The following EDNRA variants were observed in gnomAD, a reference collection of about 807,000 sequenced individuals.
EDNRA encodes endothelin receptor type A.
In EDNRA, 11 loss-of-function variants were observed where a neutral mutation model predicts 41.4. The observed-to-expected ratio is 0.27, with a 90% CI of 0.17 to 0.44. The LOEUF is 0.44. Among genes scored for constraint, EDNRA ranks in the 20% least tolerant of loss-of-function variants. The pLI is 1.00. For synonymous variants in EDNRA, 172 were observed against 183.0 expected, an observed-to-expected ratio of 0.94 and a Z score of 0.49; for missense variants, 294 against 531.0, an observed-to-expected ratio of 0.55 and a Z score of 4.39.
chr4:147,522,710 A>G (rs990624024), intron 3 of EDNRA, among the ~76,000 whole-genome samples: 15 of 152,194 alleles, frequency 9.9e-5, no homozygotes, highest in African/African-American at 2.2e-4. Flanking sequence ...CACTATACTC[A>G]AGCATGTAAA....
At chr4:147,482,681 T>C (rs1245431514) in intron 1 of EDNRA, among the ~76,000 whole-genome samples, 3 of 152,178 alleles carry the variant, frequency 2.0e-5, no homozygotes, top group Non-Finnish European at 2.9e-5. Flanking sequence ...TCATCAGAAA[T>C]GATTTCTGTA....
At chr4:147,508,609 G>A (rs1376222296) in intron 2 of EDNRA, among the ~76,000 whole-genome samples, 1 of 152,144 alleles carries the variant, frequency 6.6e-6, no homozygotes, top group Non-Finnish European at 1.5e-5. Flanking sequence ...ATTCAGTTCT[G>A]TAATCTTTTC....
intron 2 of EDNRA, among the ~76,000 whole-genome samples, chr4:147,496,454 T>A (rs915805463): frequency 2.6e-5 from 4 of 152,248 alleles, no homozygotes; most frequent in Non-Finnish European, 5.9e-5. Context: ...AACTTTTAAA[T>A]ATGTTATTGA....
chr4:147,527,230 A>G lies in EDNRA; in HGVS notation c.549-5276A>G, dbSNP rs577513804. Reference sequence around the variant, plus strand: ...CCCTGATCCAGTAATCCCACTCAAGATAATTAATCCAGAAAAATCATTCAG... The same window carrying G: ...CCCTGATCCAGTAATCCCACTCAAGGTAATTAATCCAGAAAAATCATTCAG... On this transcript the variant is annotated intron_variant, in intron 3 of 7. Coordinates refer to ENST00000651419, the MANE Select transcript of EDNRA (RefSeq NM_001957.4). 1.3e-3 allele frequency among the ~76,000 whole-genome samples: 191 copies of G among 152,318 alleles called. 1 individual carries two copies. The Middle Eastern group carries it at 0.02, about 16-fold the overall frequency.
At chr4:147,483,012 C>T (rs1051907303) in intron 1 of EDNRA, among the ~76,000 whole-genome samples, 16 of 152,124 alleles carry the variant, frequency 1.1e-4, no homozygotes, top group Non-Finnish European at 2.1e-4. Context: ...ACGTTAGTCA[C>T]GAAACAGCAC....
intron 2 of EDNRA, among the ~76,000 whole-genome samples, chr4:147,518,536 A>G (rs2126446208): frequency 6.6e-6 from 1 of 152,338 alleles, no homozygotes; most frequent in African/African-American, 2.4e-5. Context: ...ATGAAGTTTT[A>G]TAGGGTCTTA....
chr4:147,542,691 C>T lies in EDNRA; in HGVS notation c.*73C>T. ...AAAAATCACAAGGCAACTGTGAGTCCGGGAATCTCTTCTCTGATCCTTCTT... is the reference window on the plus strand; with the variant it reads ...AAAAATCACAAGGCAACTGTGAGTCTGGGAATCTCTTCTCTGATCCTTCTT... On this transcript the variant is annotated 3_prime_UTR_variant, in exon 8 of 8. Coordinates refer to ENST00000651419, the MANE Select transcript of EDNRA (RefSeq NM_001957.4). 6.5e-7 allele frequency: 1 copy of T among 1,542,348 alleles called. No homozygotes were observed. Among genetic ancestry groups the T allele is most frequent in the South Asian group, 1.2e-5 (1 of 81,958 alleles).
At chr4:147,497,200 T>C (rs116639245) in intron 2 of EDNRA, among the ~76,000 whole-genome samples, 181 of 149,806 alleles carry the variant, frequency 1.2e-3, no homozygotes, top group African/African-American at 4.1e-3. Flanking sequence ...TCTTGCTTTA[T>C]TGCCCAGGCT....
At chr4:147,527,556 A>G (rs1415540884) in intron 3 of EDNRA, among the ~76,000 whole-genome samples, 1 of 152,194 alleles carries the variant, frequency 6.6e-6, no homozygotes, top group Non-Finnish European at 1.5e-5. Flanking sequence ...TTGAAGTGGT[A>G]TCTTTTTAAT....
At position 147,543,375 on chromosome 4, in the gene EDNRA, G is replaced by A. The variant is rs1213970543; in HGVS notation, c.*757G>A. 6.6e-6 allele frequency: 1 copy of A among 152,040 alleles called. No homozygotes were observed. Among genetic ancestry groups the A allele is most frequent in the African/African-American group, 2.4e-5 (1 of 41,386 alleles). The allele number at this position is 152,040 out of a possible 1,614,324, so 9.4% of individuals were successfully genotyped here. On this transcript the variant is annotated 3_prime_UTR_variant, in exon 8 of 8. Coordinates refer to ENST00000651419, the MANE Select transcript of EDNRA (RefSeq NM_001957.4). ...AAGAACTGTATTTTATTTTTTAAATGGTGTTTTATTACAAGGGACCTTGAA... is the reference window on the plus strand; with the variant it reads ...AAGAACTGTATTTTATTTTTTAAATAGTGTTTTATTACAAGGGACCTTGAA...
intron 3 of EDNRA, among the ~76,000 whole-genome samples, chr4:147,520,880 T>C (rs1164761664): frequency 6.6e-6 from 1 of 152,244 alleles, no homozygotes; most frequent in Non-Finnish European, 1.5e-5. Context: ...TTATAATTAT[T>C]GTTAGGACAA....
At chr4:147,515,470 A>G (rs1730083668) in intron 2 of EDNRA, among the ~76,000 whole-genome samples, 1 of 152,120 alleles carries the variant, frequency 6.6e-6, no homozygotes, top group Non-Finnish European at 1.5e-5. Context: ...AATCATTCTA[A>G]TATACAGGCA....
At chr4:147,487,183 A>C (rs1215097223) in intron 2 of EDNRA, among the ~76,000 whole-genome samples, 1 of 152,164 alleles carries the variant, frequency 6.6e-6, no homozygotes, top group Non-Finnish European at 1.5e-5. Context: ...ATCTGCCCCC[A>C]TGAGCCAGAC....
intron 5 of EDNRA, among the ~76,000 whole-genome samples, chr4:147,538,219 C>T (rs1417052532): frequency 2.6e-5 from 4 of 152,058 alleles, no homozygotes; most frequent in Non-Finnish European, 4.4e-5. Context: ...AGCAGCTCTA[C>T]TTTTATATCT....
At position 147,515,832 on chromosome 4, in the gene EDNRA, AT is replaced by A. The variant is rs1210009069; in HGVS notation, c.421-4017del. ...GTACATCCTCCATCTGGCTCTATCC[AT>A]TCTACAAACAGGGTGCATATCAGTG... On this transcript the variant is annotated intron_variant, in intron 2 of 7. Transcript: ENST00000651419. 3.3e-5 allele frequency among the ~76,000 whole-genome samples: 5 copies of A among 152,330 alleles called. No homozygotes were observed. In the East Asian group the frequency reaches 9.6e-4, roughly 29 times the overall value.
In EDNRA at chr4:147,484,471, A is replaced by AC. The variant is rs535111903; in HGVS notation, c.-70-1138dup. ...CCTGCCTTAGAATCGCAGTGTTGCC[A>AC]CCCATCACCTGTGGCCTTGACAAGC... On this transcript the variant is annotated intron_variant, in intron 1 of 7. Coordinates refer to ENST00000651419, the MANE Select transcript of EDNRA (RefSeq NM_001957.4). 4.6e-5 allele frequency among the ~76,000 whole-genome samples: 7 copies of AC among 152,280 alleles called. No individual in the cohort carries two copies. The South Asian group carries it at 1.2e-3, about 27-fold the overall frequency.
At chr4:147,488,195 G>A (rs1290166688) in intron 2 of EDNRA, 2 of 152,198 alleles carry the variant, frequency 1.3e-5, no homozygotes, top group Non-Finnish European at 2.9e-5. Flanking sequence ...GTGCAAAGCA[G>A]CTTCTTAGCC....
intron 3 of EDNRA, among the ~76,000 whole-genome samples, chr4:147,520,584 A>G (rs945198791): frequency 1.3e-5 from 2 of 152,244 alleles, no homozygotes; most frequent in African/African-American, 2.4e-5. Context: ...GAACTTCTAG[A>G]TGGTATTTTC....
intron 2 of EDNRA, among the ~76,000 whole-genome samples, chr4:147,503,985 C>A (rs10011966): frequency 0.47 from 71,622 of 151,840 alleles, 21,082 homozygotes; most frequent in African/African-American, 0.84. Context: ...TTATTTAGTG[C>A]GAAAAAATGG....
Sources: allele counts gnomAD v4.1 joint callset (sites outside exome capture counted in the v4.1 genomes callset), GRCh38; gene constraint gnomAD v4.1.1; transcripts MANE v1.5; gene names NCBI Gene and HGNC (gene_info 2026-07-23, HGNC 2026-07-21).